PLOD2: variants seen among roughly 807,000 people sequenced by gnomAD.
PLOD2 encodes the protein lysine hydroxylase 2.
PLOD2 carries 65 observed loss-of-function variants against 101.0 expected under a neutral mutation model. That is an observed-to-expected ratio of 0.64 (90% CI 0.53 to 0.79). The LOEUF is 0.79. Among genes scored for constraint, PLOD2 ranks in the 30% least tolerant of loss-of-function variants. The pLI is 0.00. For missense variants in PLOD2, 909 were observed against 914.6 expected, an observed-to-expected ratio of 0.99 and a Z score of 0.08; for synonymous variants, 314 against 302.9, an observed-to-expected ratio of 1.04 and a Z score of -0.38.
intron 2 of PLOD2, among the ~76,000 whole-genome samples, chr3:146,123,847 T>C (rs1576612898): frequency 6.6e-6 from 1 of 152,086 alleles, no homozygotes; most frequent in South Asian, 2.1e-4. Context: ...ATCTTAATTA[T>C]TACAGGTGCA....
chr3:146,081,002 A>G (rs1936521679), intron 12 of PLOD2, among the ~76,000 whole-genome samples: 1 of 152,016 alleles, frequency 6.6e-6, no homozygotes, highest in Non-Finnish European at 1.5e-5. Flanking sequence ...CTGAGAGTAT[A>G]CTGCCCCTTT....
At chr3:146,122,053 T>C (rs529726898) in intron 2 of PLOD2, among the ~76,000 whole-genome samples, 2 of 152,260 alleles carry the variant, frequency 1.3e-5, no homozygotes, top group East Asian at 3.9e-4. Context: ...TAATGGAGAA[T>C]GAAATTAAAA....
chr3:146,157,861 T>G (rs1265156425), intron 1 of PLOD2, among the ~76,000 whole-genome samples: 1 of 152,198 alleles, frequency 6.6e-6, no homozygotes, highest in East Asian at 1.9e-4. Flanking sequence ...GCCCTTGCTC[T>G]TTTCCTCTCC....
At chr3:146,102,344 G>A (rs1937413232) in intron 7 of PLOD2, among the ~76,000 whole-genome samples, 1 of 152,054 alleles carries the variant, frequency 6.6e-6, no homozygotes, top group African/African-American at 2.4e-5. Context: ...AGAGAAAGAG[G>A]AAGCTTTCTG....
At chr3:146,096,882 G>GGGGGGGA (rs1937192466) in intron 7 of PLOD2, among the ~76,000 whole-genome samples, 1 of 76,270 alleles carries the variant, frequency 1.3e-5, no homozygotes, top group Non-Finnish European at 2.8e-5. Flanking sequence ...GAGGGAGGTG[G>GGGGGGGA]GGGGGGGGAG....
chr3:146,137,397 C>T (rs1211549011), intron 1 of PLOD2, among the ~76,000 whole-genome samples: 1 of 152,130 alleles, frequency 6.6e-6, no homozygotes, highest in East Asian at 1.9e-4. Context: ...CAGGTGCTCA[C>T]CACCAAACCC....
intron 1 of PLOD2, among the ~76,000 whole-genome samples, chr3:146,141,222 C>T (rs567354297): frequency 2.8e-4 from 42 of 152,136 alleles, no homozygotes; most frequent in Admixed American, 3.3e-4. Context: ...AACTACATTA[C>T]AATTTAAATT....
In PLOD2 at chr3:146,085,289, A is replaced by G. The variant is rs1025804781; in HGVS notation, c.1128-16T>C. ...GCAAAAGTCCCTAACAGTGAAAAAGAAAATGAAATGGGCATGACATAAAAT... is the reference window on the plus strand; with the variant it reads ...GCAAAAGTCCCTAACAGTGAAAAAGGAAATGAAATGGGCATGACATAAAAT... On this transcript the variant is annotated splice_polypyrimidine_tract_variant and intron_variant, in intron 10 of 19. Transcript: ENST00000282903. 1 of 1,219,672 alleles carries G rather than the reference A, an allele frequency of 8.2e-7. No homozygotes were observed. The allele number at this position is 1,219,672 out of a possible 1,614,324, so 75.6% of individuals were successfully genotyped here.
At chr3:146,141,144 C>A (rs2031502271) in intron 1 of PLOD2, among the ~76,000 whole-genome samples, 2 of 151,928 alleles carry the variant, frequency 1.3e-5, no homozygotes, top group African/African-American at 4.8e-5. Flanking sequence ...GCTTTCCTAC[C>A]TTTAATTATA....
chr3:146,082,733 A>T (rs1201099003), intron 11 of PLOD2, among the ~76,000 whole-genome samples: 3 of 152,006 alleles, frequency 2.0e-5, no homozygotes, highest in African/African-American at 7.3e-5. Flanking sequence ...TCTACTAATA[A>T]TACCAAAAAA....
intron 3 of PLOD2, among the ~76,000 whole-genome samples, chr3:146,115,924 G>A (rs1022088880): frequency 2.0e-5 from 3 of 152,084 alleles, no homozygotes; most frequent in African/African-American, 4.8e-5. Context: ...ACAAAAACAG[G>A]CAGTGGTACA....
chr3:146,096,792 G>A (rs1937183359), intron 7 of PLOD2, among the ~76,000 whole-genome samples: 1 of 147,816 alleles, frequency 6.8e-6, no homozygotes, highest in Non-Finnish European at 1.5e-5. Context: ...CACCCCGTCC[G>A]GGAGGTGAGG....
chr3:146,124,214 A>C lies in PLOD2; in HGVS notation c.125T>G (p.Ile42Arg). The C allele has an allele frequency of 6.3e-7, 1 of 1,574,916 alleles. No individual in the cohort carries two copies. The highest frequency in any genetic ancestry group is 8.7e-7 in the Non-Finnish European group (1 of 1,145,106). The change falls in exon 2 of 20, where the codon ATA (isoleucine) becomes AGA (arginine). Residue 42 changes from isoleucine to arginine, a missense_variant. Coordinates refer to ENST00000282903, the MANE Select transcript of PLOD2 (RefSeq NM_182943.3). ...ATCACTTTCTTTTGTTGCTACAGTTATGACTAATAATTTATCTGCAAAGAC... is the reference window on the plus strand; with the variant it reads ...ATCACTTTCTTTTGTTGCTACAGTTCTGACTAATAATTTATCTGCAAAGAC... ...SSIPTDKLLV[I>R]TVATKESDGF...
At chr3:146,102,908 T>C (rs1937440345) in intron 6 of PLOD2, 56 bp from the exon 7 acceptor site, 6 of 876,034 alleles carry the variant, frequency 6.8e-6, no homozygotes, top group Middle Eastern at 4.4e-4. Flanking sequence ...TGTGTGTGTC[T>C]GTATTCGTGT....
chr3:146,080,253 T>C lies in PLOD2; in HGVS notation c.1359-996A>G, dbSNP rs139889455. 1.9e-3 allele frequency among the ~76,000 whole-genome samples: 282 copies of C among 152,024 alleles called. 2 individuals are homozygous for C. The highest frequency in any genetic ancestry group is 6.3e-3 in the African/African-American group (263 of 41,460). On this transcript the variant is annotated intron_variant, in intron 12 of 19. Coordinates refer to ENST00000282903, the MANE Select transcript of PLOD2 (RefSeq NM_182943.3). ...CACTACGTTTTTTCCTACACATATA[T>C]ACTTATAATAAAGTTTAATTTATAC...
chr3:146,146,417 T>C (rs1386238687), intron 1 of PLOD2, among the ~76,000 whole-genome samples: 2 of 152,158 alleles, frequency 1.3e-5, no homozygotes, highest in Non-Finnish European at 2.9e-5. Flanking sequence ...TTTGGCCATT[T>C]CCATTGGTAA....
rs780062874 is a variant in PLOD2, at chr3:146,071,059, C to G, written c.2104G>C (p.Val702Leu). 2 of 1,607,340 alleles carry G rather than the reference C, an allele frequency of 1.2e-6. No individual in the cohort carries two copies. Among genetic ancestry groups the G allele is most frequent in the African/African-American group, 1.3e-5 (1 of 74,636 alleles). The change falls in exon 19 of 20, where the codon GTG (valine) becomes CTG (leucine). Residue 702 changes from valine to leucine, a missense_variant. Transcript: ENST00000282903. ...ATAATTACCTGAAAGTCTTCTCCCA[C>G]GTTATTAAGTGCAATGTTTATGGTA... ...TFTINIALNN[V>L]GEDFQGGGCK...
chr3:146,080,614 C>G (rs1936504712), intron 12 of PLOD2, among the ~76,000 whole-genome samples: 1 of 151,940 alleles, frequency 6.6e-6, no homozygotes, highest in Admixed American at 6.6e-5. Flanking sequence ...TTTCCTTATA[C>G]TTTAGACAAG....
chr3:146,149,254 A>T (rs2031941764), intron 1 of PLOD2, among the ~76,000 whole-genome samples: 1 of 152,206 alleles, frequency 6.6e-6, no homozygotes, highest in Non-Finnish European at 1.5e-5. Flanking sequence ...GTTTCTACAA[A>T]CCAAATATGC....
Sources: gnomAD v4.1 joint callset for allele counts (sites outside exome capture counted in the v4.1 genomes callset) on GRCh38, gnomAD v4.1.1 for gene constraint, MANE v1.5 for transcripts, NCBI Gene and HGNC (gene_info 2026-07-23, HGNC 2026-07-21) for gene names.